IL15RA: variants seen among roughly 807,000 people sequenced by gnomAD.
The protein encoded by IL15RA is interleukin 15 receptor subunit alpha.
In IL15RA, 26 loss-of-function variants were observed where a neutral mutation model predicts 24.2. That is an observed-to-expected ratio of 1.07 (90% CI 0.79 to 1.49). The LOEUF (loss-of-function observed/expected upper bound fraction) is 1.49, where lower values mean the gene tolerates loss of function less well. Among genes scored for constraint, IL15RA ranks in the 40% most tolerant of loss-of-function variants. IL15RA has a pLI of 0.00. For missense variants in IL15RA, 354 were observed against 356.4 expected (o/e 0.99, Z 0.05); for synonymous variants, 166 against 157.6 (o/e 1.05, Z -0.40).
chr10:5,976,573 C>T (rs1178896275), intron 1 of IL15RA, among the ~76,000 whole-genome samples: 2 of 152,110 alleles, frequency 1.3e-5, no homozygotes, highest in African/African-American at 4.8e-5. Flanking sequence ...AGCTCCCTGA[C>T]TATAAAAAGA....
Position 5,956,408 on chromosome 10 carries a change from C to CA in IL15RA, c.662dup (p.Ser222ValfsTer19). 1 of 1,614,080 alleles carries CA rather than the reference C, an allele frequency of 6.2e-7. No homozygotes were observed. The highest frequency in any genetic ancestry group is 8.5e-7 in the Non-Finnish European group (1 of 1,179,970). On this transcript the variant is annotated frameshift_variant, in exon 6 of 7. Coordinates refer to ENST00000379977, the MANE Select transcript of IL15RA (RefSeq NM_002189.4). LOFTEE classifies it low-confidence loss of function (END_TRUNC). ...ACTTGAGGTAGCATGCCAGGAGAGACACAGCGCTCAGCCCACACAGCAGGA... is the reference window on the plus strand; with the variant it reads ...ACTTGAGGTAGCATGCCAGGAGAGACAACAGCGCTCAGCCCACACAGCAGGA...
At chr10:5,951,215 C>T (rs893084209), downstream of IL15RA, among the ~76,000 whole-genome samples, 9 of 150,036 alleles carry the variant, frequency 6.0e-5, no homozygotes, top group Admixed American at 6.0e-4. Context: ...CCTGTAGTCC[C>T]AGCTACTCCA....
rs1203882973 is a variant in IL15RA at position 5,965,866 on chromosome 10, G to A, written c.283+279C>T. Among the ~76,000 whole-genome samples, 2 of 152,092 alleles carry A rather than the reference G, an allele frequency of 1.3e-5. No homozygotes were observed. The highest frequency in any genetic ancestry group is 2.4e-5 in the African/African-American group (1 of 41,412). ...CTCCCAAGTAGCTGGGATTACAGGCGCCTGCCACCACGCCCGGCTACTTTT... is the reference window on the plus strand; with the variant it reads ...CTCCCAAGTAGCTGGGATTACAGGCACCTGCCACCACGCCCGGCTACTTTT... On this transcript the variant is annotated intron_variant, in intron 2 of 6. Coordinates refer to ENST00000379977, the MANE Select transcript of IL15RA (RefSeq NM_002189.4). The surrounding 1 kb of genome is among the most constrained non-coding windows in gnomAD (Gnocchi z 5.8).
Position 5,967,829 on chromosome 10 carries a change from C to T in IL15RA, c.89-1490G>A, listed in dbSNP as rs532264381. Among the ~76,000 whole-genome samples the T allele has an allele frequency of 7.9e-4, 120 of 152,274 alleles. 1 individual carries two copies. The highest frequency in any genetic ancestry group is 2.7e-3 in the African/African-American group (114 of 41,566). On this transcript the variant is annotated intron_variant, in intron 1 of 6. Coordinates refer to ENST00000379977, the MANE Select transcript of IL15RA (RefSeq NM_002189.4). The surrounding 1 kb of genome is among the most constrained non-coding windows in gnomAD (Gnocchi z 4.4). Reference sequence around the variant, plus strand: ...ATCCGAGGACTTTGGGAGGCTGAGGCAGGCGAATCACCTGAGGTCAGGAGT... The same window carrying T: ...ATCCGAGGACTTTGGGAGGCTGAGGTAGGCGAATCACCTGAGGTCAGGAGT...
rs192589540 is a variant in IL15RA, at chr10:5,973,693, T to C, written c.88+3712A>G. 1.1e-4 allele frequency among the ~76,000 whole-genome samples: 17 copies of C among 152,310 alleles called. No individual in the cohort carries two copies. The East Asian group carries it at 3.1e-3, about 28-fold the overall frequency. ...ATTCAAAATGGATCACAGCCATAAA[T>C]GTAAACCCTAAAGCTATAAAACTTC... On this transcript the variant is annotated intron_variant, in intron 1 of 6. Transcript: ENST00000379977. This position sits in a 1 kb window ranked among gnomAD's most constrained non-coding sequence, Gnocchi z 4.5.
rs1836406839 is a variant in IL15RA, at chr10:5,965,747, G to A, written c.283+398C>T. Among the ~76,000 whole-genome samples the A allele has an allele frequency of 6.6e-6, 1 of 152,106 alleles. No homozygotes were observed. ...TTTTTTCTTTCTTTTTTGAGATGGA[G>A]TCTTGCTGTGTCACCCAGGCTGGAG... On this transcript the variant is annotated intron_variant, in intron 2 of 6. Coordinates refer to ENST00000379977, the MANE Select transcript of IL15RA (RefSeq NM_002189.4). The surrounding 1 kb of genome is among the most constrained non-coding windows in gnomAD (Gnocchi z 5.8).
chr10:5,977,258 C>T, intron 1 of IL15RA, 147 bp downstream of exon 1: 1 of 385,020 alleles, frequency 2.6e-6, no homozygotes, highest in Admixed American at 4.6e-5. Flanking sequence ...CGCGTCCCCT[C>T]CCCGGCCTGG....
chr10:5,968,212 C>T lies in IL15RA; in HGVS notation c.89-1873G>A, dbSNP rs939047318. 6.6e-6 allele frequency among the ~76,000 whole-genome samples: 1 copy of T among 152,170 alleles called. No homozygotes were observed. The highest frequency in any genetic ancestry group is 2.4e-5 in the African/African-American group (1 of 41,430). The stretch of plus-strand genomic sequence containing the variant: ...TAATGGCCTAACTGGGCAAAGGACA[C>T]AGTGGGTGAGTCACAAGAGAGCCAT... On this transcript the variant is annotated intron_variant, in intron 1 of 6. Coordinates refer to ENST00000379977, the MANE Select transcript of IL15RA (RefSeq NM_002189.4). This position sits in a 1 kb window ranked among gnomAD's most constrained non-coding sequence, Gnocchi z 5.4.
At position 5,966,136 on chromosome 10, in the gene IL15RA, G is replaced by T. The variant is rs1162345484; in HGVS notation, c.283+9C>A. Reference sequence around the variant, plus strand: ...GAGGGAGGAAGGTGGGGTGGCAAGGGCTACTCACTAATGCATTTGAGACTG... The same window carrying T: ...GAGGGAGGAAGGTGGGGTGGCAAGGTCTACTCACTAATGCATTTGAGACTG... On this transcript the variant is annotated intron_variant, in intron 2 of 6. Coordinates refer to ENST00000379977, the MANE Select transcript of IL15RA (RefSeq NM_002189.4). This position sits in a 1 kb window ranked among gnomAD's most constrained non-coding sequence, Gnocchi z 6.4. The T allele has an allele frequency of 1.9e-6, 3 of 1,594,208 alleles. No homozygotes were observed. The highest frequency in any genetic ancestry group is 8.6e-7 in the Non-Finnish European group (1 of 1,163,084).
At chr10:5,951,438 TC>T (rs1175867049), downstream of IL15RA, among the ~76,000 whole-genome samples, 2 of 152,154 alleles carry the variant, frequency 1.3e-5, no homozygotes, top group African/African-American at 4.8e-5. Context: ...GGCTCCCTCT[TC>T]CCCCTGGCTG....
rs1370648846 is a variant in IL15RA, at chr10:5,959,752, A to G, written c.616+2T>C. The G allele has an allele frequency of 6.2e-7, 1 of 1,613,164 alleles. No homozygotes were observed. The highest frequency in any genetic ancestry group is 1.7e-5 in the Admixed American group (1 of 60,016). On this transcript the variant is annotated splice_donor_variant, in intron 5 of 6. Coordinates refer to ENST00000379977, the MANE Select transcript of IL15RA (RefSeq NM_002189.4). LOFTEE classifies it high-confidence loss of function. This position sits in a 1 kb window ranked among gnomAD's most constrained non-coding sequence, Gnocchi z 4.1. The stretch of plus-strand genomic sequence containing the variant: ...ACATACCGGACAAAGGGACACACTT[A>G]CCAGTGGTGTCGCTGTGGCCCTGTG...
At chr10:5,976,263 G>C (rs1312399442) in intron 1 of IL15RA, among the ~76,000 whole-genome samples, 1 of 144,014 alleles carries the variant, frequency 6.9e-6, no homozygotes, top group African/African-American at 2.5e-5. Flanking sequence ...AAGAAGCCTC[G>C]CAGAGCTGGG....
chr10:5,976,540 T>C (rs528705496), intron 1 of IL15RA, among the ~76,000 whole-genome samples: 4 of 152,274 alleles, frequency 2.6e-5, no homozygotes, highest in Admixed American at 6.5e-5. Context: ...CGGGGGTTCA[T>C]AGCTTTCATC....
chr10:5,957,639 C>CTGGA (rs1834751678), intron 5 of IL15RA, among the ~76,000 whole-genome samples: 1 of 146,114 alleles, frequency 6.8e-6, no homozygotes, highest in South Asian at 2.1e-4. Context: ...GTTGCCCAGG[C>CTGGA]TGGAGTGCAG....
Position 5,955,116 on chromosome 10 carries a change from TGAGATGG to T in IL15RA, c.692+1256_692+1262del, listed in dbSNP as rs1834340550. On this transcript the variant is annotated intron_variant, in intron 6 of 6. Transcript: ENST00000379977. This position sits in a 1 kb window ranked among gnomAD's most constrained non-coding sequence, Gnocchi z 5.3. ...GGGTCACATAATTTTTTTTTTTTTT[TGAGATGG>T]AGTTTTGCTCTTGTTGCCCAGGCTG... is the stretch of plus-strand genomic sequence containing the variant. Among the ~76,000 whole-genome samples the T allele has an allele frequency of 6.6e-6, 1 of 150,476 alleles. No homozygotes were observed.
chr10:5,952,204 C>T (rs1833929308), downstream of IL15RA, among the ~76,000 whole-genome samples: 1 of 152,146 alleles, frequency 6.6e-6, no homozygotes, highest in South Asian at 2.1e-4. Context: ...TGCTGCTTCT[C>T]CTCACATGGA....
At position 5,964,231 on chromosome 10, in the gene IL15RA, T is replaced by G. The variant is rs550934772; in HGVS notation, c.284-390A>C. On this transcript the variant is annotated intron_variant, in intron 2 of 6. Coordinates refer to ENST00000379977, the MANE Select transcript of IL15RA (RefSeq NM_002189.4). This position sits in a 1 kb window ranked among gnomAD's most constrained non-coding sequence, Gnocchi z 5.6. ...TGGAGTGCAGTAGTGTGATCACAAC[T>G]CACTGCAGCCTTGACCTCCCGGGCT... Among the ~76,000 whole-genome samples the G allele has an allele frequency of 3.3e-5, 5 of 152,262 alleles. No homozygotes were observed. The highest frequency in any genetic ancestry group is 1.2e-4 in the African/African-American group (5 of 41,558).
rs915169815 is a variant in IL15RA at position 5,973,410 on chromosome 10, G to T, written c.88+3995C>A. Among the ~76,000 whole-genome samples the T allele has an allele frequency of 1.3e-4, 20 of 152,152 alleles. No homozygotes were observed. The highest frequency in any genetic ancestry group is 2.6e-4 in the Non-Finnish European group (18 of 68,028). On this transcript the variant is annotated intron_variant, in intron 1 of 6. Coordinates refer to ENST00000379977, the MANE Select transcript of IL15RA (RefSeq NM_002189.4). This position sits in a 1 kb window ranked among gnomAD's most constrained non-coding sequence, Gnocchi z 4.5. ...AATGCTTTTTAATGTTATTTCAAAT[G>T]ACTTTTTAAAGTTTTTTAATTTCTA...
At chr10:5,951,141 C>CAAAAAAAAAAAAAAAAAA (rs60771366), downstream of IL15RA, among the ~76,000 whole-genome samples, 3 of 35,950 alleles carry the variant, frequency 8.3e-5, no homozygotes, top group African/African-American at 2.4e-4. Context: ...GACTCAGTCT[C>CAAAAAAAAAAAAAAAAAA]AAAAAAAAAA....
Sources: gnomAD v4.1 joint callset for allele counts (sites outside exome capture counted in the v4.1 genomes callset) on GRCh38, gnomAD v4.1.1 for gene constraint, Gnocchi (gnomAD v3.1) non-coding constraint, MANE v1.5 for transcripts, NCBI Gene and HGNC (gene_info 2026-07-23, HGNC 2026-07-21) for gene names.